The following EGFLAM variants were observed in gnomAD, a reference collection of about 807,000 sequenced individuals.
EGFLAM encodes pikachurin.
In EGFLAM, 79 loss-of-function variants were observed where a neutral mutation model predicts 113.1. The ratio of observed to expected loss-of-function variants is 0.70; its 90% confidence interval spans 0.58 to 0.84. EGFLAM has a LOEUF of 0.84. Among genes scored for constraint, EGFLAM ranks in the 40% least tolerant of loss-of-function variants. The probability of loss-of-function intolerance (pLI) is 0.00; values close to 1 mark genes in which losing one functional copy is unlikely to be tolerated. For missense variants in EGFLAM, 1,265 were observed against 1,291.6 expected, an observed-to-expected ratio of 0.98 and a Z score of 0.32; for synonymous variants, 504 against 487.6, an observed-to-expected ratio of 1.03 and a Z score of -0.44.
chr5:38,287,299 G>A (rs1758190300), intron 1 of EGFLAM, among the ~76,000 whole-genome samples: 1 of 152,186 alleles, frequency 6.6e-6, no homozygotes, highest in South Asian at 2.1e-4. Context: ...GGCATATAAT[G>A]CTACTATGAG....
chr5:38,394,396 C>G (rs966287474), intron 6 of EGFLAM, among the ~76,000 whole-genome samples: 3 of 149,964 alleles, frequency 2.0e-5, no homozygotes, highest in Non-Finnish European at 2.9e-5. Context: ...TTTGTTCTAT[C>G]TTGTTTAGTA....
intron 1 of EGFLAM, among the ~76,000 whole-genome samples, chr5:38,277,738 A>T (rs1002801505): frequency 4.0e-5 from 6 of 151,328 alleles, no homozygotes; most frequent in Admixed American, 1.3e-4. Context: ...ATGCAAAATC[A>T]GTAGCATTTC....
chr5:38,376,763 C>T (rs560076447), intron 6 of EGFLAM, among the ~76,000 whole-genome samples: 13 of 152,192 alleles, frequency 8.5e-5, no homozygotes, highest in African/African-American at 2.6e-4. Flanking sequence ...CTCCACCTCC[C>T]GGGCTCAAGT....
rs1157239479 is a variant in EGFLAM at position 38,426,990 on chromosome 5, A to T, written c.1811-19A>T. ...TTTCTGCCACAGAGGGATTTCTAAC[A>T]CCATGCTTGTTTTTTCAGCTTTCAC... On this transcript the variant is annotated intron_variant, in intron 13 of 21. Coordinates refer to ENST00000322350, the MANE Select transcript of EGFLAM (RefSeq NM_152403.4). The T allele has an allele frequency of 6.2e-7, 1 of 1,612,556 alleles. No individual in the cohort carries two copies. Among genetic ancestry groups the T allele is most frequent in the African/African-American group, 1.3e-5 (1 of 74,870 alleles).
intron 15 of EGFLAM, among the ~76,000 whole-genome samples, chr5:38,433,768 A>G (rs963427349): frequency 1.3e-5 from 2 of 152,224 alleles, no homozygotes; most frequent in African/African-American, 4.8e-5. Context: ...TTGTGGTGAC[A>G]GTTCCTGACT....
At chr5:38,438,896 CA>C (rs1742444436) in intron 17 of EGFLAM, among the ~76,000 whole-genome samples, 1 of 152,164 alleles carries the variant, frequency 6.6e-6, no homozygotes, top group Non-Finnish European at 1.5e-5. Flanking sequence ...CCCAAATATG[CA>C]AAAACACAAA....
At chr5:38,362,322 A>G (rs1310119816) in intron 5 of EGFLAM, among the ~76,000 whole-genome samples, 1 of 152,214 alleles carries the variant, frequency 6.6e-6, no homozygotes, top group Non-Finnish European at 1.5e-5. Context: ...CATCATAACT[A>G]AGTGAACTGC....
Position 38,377,528 on chromosome 5 carries a change from A to G in EGFLAM, c.712+7066A>G, listed in dbSNP as rs73075437. Among the ~76,000 whole-genome samples the G allele has an allele frequency of 9.0e-3, 1,367 of 152,324 alleles. 29 individuals carry two copies. Among genetic ancestry groups the G allele is most frequent in the African/African-American group, 0.032 (1,325 of 41,562 alleles). On this transcript the variant is annotated intron_variant, in intron 6 of 21. Coordinates refer to ENST00000322350, the MANE Select transcript of EGFLAM (RefSeq NM_152403.4). ...GTATGTAAATGAGTGAATGTGACTT[A>G]ACAAGCTAAGAGTCTGTGACTACTT...
chr5:38,279,835 T>C (rs1307573005), intron 1 of EGFLAM, among the ~76,000 whole-genome samples: 3 of 152,086 alleles, frequency 2.0e-5, no homozygotes, highest in Admixed American at 1.3e-4. Flanking sequence ...GATGATATAT[T>C]GTATTATTGA....
chr5:38,355,083 T>C (rs1739731823), intron 5 of EGFLAM, among the ~76,000 whole-genome samples: 1 of 151,958 alleles, frequency 6.6e-6, no homozygotes, highest in South Asian at 2.1e-4. Context: ...TGGGTGCAAA[T>C]AGTTTATTTG....
intron 3 of EGFLAM, among the ~76,000 whole-genome samples, chr5:38,341,014 A>G (rs899145712): frequency 6.6e-6 from 1 of 152,172 alleles, no homozygotes; most frequent in Non-Finnish European, 1.5e-5. Flanking sequence ...CTGCATTTCA[A>G]CAAAACAGCT....
chr5:38,435,542 T>C (rs1382767679), intron 16 of EGFLAM, among the ~76,000 whole-genome samples: 7 of 152,090 alleles, frequency 4.6e-5, no homozygotes, highest in Admixed American at 4.6e-4. Flanking sequence ...GGGAGTGAAA[T>C]GGCATCATGT....
chr5:38,451,899 G>A (rs937002204), intron 19 of EGFLAM, among the ~76,000 whole-genome samples: 2 of 150,594 alleles, frequency 1.3e-5, no homozygotes, highest in African/African-American at 2.5e-5. Flanking sequence ...GGCTGAGGCA[G>A]GAAAATGGCT....
At chr5:38,344,159 G>T (rs1398406299) in intron 3 of EGFLAM, among the ~76,000 whole-genome samples, 1 of 152,246 alleles carries the variant, frequency 6.6e-6, no homozygotes, top group East Asian at 1.9e-4. Flanking sequence ...AATTCAACAT[G>T]ATTTTGTCAA....
At chr5:38,407,962 G>A (rs1046340417) in intron 9 of EGFLAM, 57 bp downstream of exon 9, 1 of 1,365,718 alleles carries the variant, frequency 7.3e-7, no homozygotes, top group Non-Finnish European at 1.0e-6. Flanking sequence ...ACAGCAATGT[G>A]CTACATTCAA....
At position 38,461,514 on chromosome 5, in the gene EGFLAM, AT is replaced by A. The variant is rs1025955847; in HGVS notation, c.2772-1383del. 4.5e-4 allele frequency among the ~76,000 whole-genome samples: 67 copies of A among 149,116 alleles called. 1 individual carries two copies. Among genetic ancestry groups the A allele is most frequent in the African/African-American group, 9.1e-4 (37 of 40,802 alleles). The stretch of plus-strand genomic sequence containing the variant: ...AAAATGGAATATTTTAGAGTAATTA[AT>A]TTTTTTTTTTAAAGGCAGGGCAAGC... On this transcript the variant is annotated intron_variant, in intron 20 of 21. Transcript: ENST00000322350.
intron 6 of EGFLAM, among the ~76,000 whole-genome samples, chr5:38,370,980 G>A (rs1740199453): frequency 1.3e-5 from 2 of 152,182 alleles, no homozygotes; most frequent in Non-Finnish European, 2.9e-5. Flanking sequence ...TAGTGCCTAG[G>A]AACACTTGGG....
Position 38,456,916 on chromosome 5 carries a change from C to T in EGFLAM, c.2688-1395C>T, listed in dbSNP as rs566943489. Among the ~76,000 whole-genome samples the T allele has an allele frequency of 1.3e-4, 20 of 152,262 alleles. 1 individual carries two copies. In the Middle Eastern group the frequency reaches 0.014, roughly 104 times the overall value. On this transcript the variant is annotated intron_variant, in intron 19 of 21. Transcript: ENST00000322350. ...ATCCAGGGAAAGTCTGGGCAGTTGG[C>T]CCAGTGCCCGGGCTAGAGTAGTCAC...
chr5:38,315,409 A>T (rs1051104373), intron 1 of EGFLAM, among the ~76,000 whole-genome samples: 6 of 152,184 alleles, frequency 3.9e-5, no homozygotes, highest in African/African-American at 1.4e-4. Context: ...CATGTTATGA[A>T]ACTTCTGTCC....
Sources: allele counts gnomAD v4.1 joint callset (sites outside exome capture counted in the v4.1 genomes callset), GRCh38; gene constraint gnomAD v4.1.1; transcripts MANE v1.5; gene names NCBI Gene and HGNC (gene_info 2026-07-23, HGNC 2026-07-21).